MAD1L1: variants seen among roughly 807,000 people sequenced by gnomAD.
MAD1L1 encodes the protein mitotic arrest deficient 1 like 1, also known as mitotic spindle assembly checkpoint protein MAD1.
Under a neutral mutation model 96.9 loss-of-function variants are expected in MAD1L1, and 95 were observed. The observed-to-expected ratio is 0.98, with a 90% CI of 0.83 to 1.16. The LOEUF (loss-of-function observed/expected upper bound fraction) is 1.16. Ranked by LOEUF, MAD1L1 falls within the 50% of genes most tolerant of loss-of-function variation. MAD1L1 has a pLI of 0.00. For synonymous variants in MAD1L1, 473 were observed against 396.6 expected, an observed-to-expected ratio of 1.19 and a Z score of -2.29; for missense variants, 1,007 against 954.4, an observed-to-expected ratio of 1.06 and a Z score of -0.73.
chr7:1,903,757 A>G lies in MAD1L1; in HGVS notation c.1808-5367T>C, dbSNP rs1179432949. 7.1e-5 allele frequency among the ~76,000 whole-genome samples: 9 copies of G among 127,308 alleles called. 1 individual carries two copies. Among genetic ancestry groups the G allele is most frequent in the East Asian group, 2.6e-4 (1 of 3,782 alleles). The allele number at this position is 127,308 out of a possible 152,430, so 83.5% of individuals were successfully genotyped here. A position where few individuals can be genotyped will look rare whatever the true frequency, so the allele number is the denominator to read the frequency against. Reference sequence around the variant, plus strand: ...AGTGGCCTATGGAAGACGCTCTTGCAGAATTCATGATTGATGAAGCACTGT... The same window carrying G: ...AGTGGCCTATGGAAGACGCTCTTGCGGAATTCATGATTGATGAAGCACTGT... On this transcript the variant is annotated intron_variant, in intron 17 of 18. Coordinates refer to ENST00000265854, the MANE Select transcript of MAD1L1 (RefSeq NM_001013836.2).
chr7:2,136,782 G>A (rs751356433), intron 11 of MAD1L1, among the ~76,000 whole-genome samples: 3 of 152,172 alleles, frequency 2.0e-5, no homozygotes, highest in Non-Finnish European at 2.9e-5. Flanking sequence ...TACTCCAATC[G>A]CCTGATGGCA....
chr7:2,114,088 G>A lies in MAD1L1; in HGVS notation c.1073+35064C>T, dbSNP rs373903081. ...CCAGGCCTTACAGCTTCTGATAACT[G>A]TACACGGGCTCACAAGACGTTACCC... On this transcript the variant is annotated intron_variant, in intron 11 of 18. Transcript: ENST00000265854. The surrounding 1 kb of genome is among the most constrained non-coding windows in gnomAD (Gnocchi z 4.2). 6.6e-6 allele frequency among the ~76,000 whole-genome samples: 1 copy of A among 152,200 alleles called. No homozygotes were observed. The highest frequency in any genetic ancestry group is 1.5e-5 in the Non-Finnish European group (1 of 68,042).
chr7:2,231,717 T>C (rs1417703255), intron 1 of MAD1L1, among the ~76,000 whole-genome samples: 4 of 152,164 alleles, frequency 2.6e-5, no homozygotes, highest in African/African-American at 9.7e-5. Context: ...CTCATTTTCA[T>C]TGTTTATTTC....
intron 13 of MAD1L1, among the ~76,000 whole-genome samples, chr7:2,003,538 C>T (rs1298809783): frequency 7.0e-6 from 1 of 143,482 alleles, no homozygotes; most frequent in Admixed American, 6.8e-5. Context: ...CTGGACGCCA[C>T]AGCAGAGTCA....
At chr7:1,970,331 CTTTTTTTTTT>C (rs34240381) in intron 15 of MAD1L1, among the ~76,000 whole-genome samples, 3 of 116,516 alleles carry the variant, frequency 2.6e-5, no homozygotes, top group Non-Finnish European at 5.3e-5. Flanking sequence ...TTAATTTTTA[CTTTTTTTTTT>C]TTTTTTTTTT....
intron 16 of MAD1L1, among the ~76,000 whole-genome samples, chr7:1,946,959 G>C (rs1255456139): frequency 6.6e-6 from 1 of 152,234 alleles, no homozygotes; most frequent in Non-Finnish European, 1.5e-5. Flanking sequence ...GGAGGAGGCT[G>C]GGTGGGGGCT....
intron 10 of MAD1L1, among the ~76,000 whole-genome samples, chr7:2,206,480 G>A (rs1266652439): frequency 6.6e-6 from 1 of 152,214 alleles, no homozygotes; most frequent in Non-Finnish European, 1.5e-5. Context: ...TGTCCAGCAT[G>A]AGACAGGTGT....
At chr7:2,173,708 T>C (rs748971766) in intron 10 of MAD1L1, among the ~76,000 whole-genome samples, 1 of 152,220 alleles carries the variant, frequency 6.6e-6, no homozygotes, top group Non-Finnish European at 1.5e-5. Flanking sequence ...ACGGATATCC[T>C]GCTCCCTGCG....
chr7:2,061,354 T>TTAAAA (rs141754105), intron 12 of MAD1L1, among the ~76,000 whole-genome samples: 20,992 of 151,282 alleles, frequency 0.14, 1,782 homozygotes, highest in Middle Eastern at 0.29. Flanking sequence ...AATAATAAAA[T>TTAAAA]TAAAATAAAA....
rs577604977 is a variant in MAD1L1, at chr7:1,970,337, T to C, written c.1505+10116A>G. ...TATATAATTTTAATTTTTACTTTTT[T>C]TTTTTTTTTTTTTTTTGAGACAGTC... On this transcript the variant is annotated intron_variant, in intron 15 of 18. Coordinates refer to ENST00000265854, the MANE Select transcript of MAD1L1 (RefSeq NM_001013836.2). Among the ~76,000 whole-genome samples the C allele has an allele frequency of 8.5e-3, 1,243 of 145,834 alleles. 11 individuals are homozygous for C. Among genetic ancestry groups the C allele is most frequent in the Non-Finnish European group, 0.015 (974 of 65,970 alleles).
intron 18 of MAD1L1, among the ~76,000 whole-genome samples, chr7:1,896,028 G>A (rs533564697): frequency 4.1e-4 from 62 of 152,352 alleles, no homozygotes; most frequent in African/African-American, 1.5e-3. Flanking sequence ...AGGAACCACG[G>A]CTCCTCAGGG....
chr7:2,111,156 G>A (rs998214617), intron 11 of MAD1L1, among the ~76,000 whole-genome samples: 6 of 152,190 alleles, frequency 3.9e-5, no homozygotes, highest in African/African-American at 1.4e-4. Flanking sequence ...GAGAGAGGAG[G>A]AGCACACACA....
chr7:1,947,285 T>C (rs567054751), intron 16 of MAD1L1, among the ~76,000 whole-genome samples: 44 of 152,246 alleles, frequency 2.9e-4, no homozygotes, highest in Admixed American at 7.8e-4. Flanking sequence ...GCCCAGGCAA[T>C]ACTTGGGGAG....
chr7:1,819,483 T>C (rs555813789), intron 18 of MAD1L1, among the ~76,000 whole-genome samples: 1 of 152,256 alleles, frequency 6.6e-6, no homozygotes, highest in South Asian at 2.1e-4. Flanking sequence ...CACCTGCCCC[T>C]CTGGAAGCAG....
intron 17 of MAD1L1, among the ~76,000 whole-genome samples, chr7:1,900,804 C>T (rs983822649): frequency 4.6e-5 from 7 of 152,268 alleles, no homozygotes; most frequent in African/African-American, 7.2e-5. Context: ...CCCTGTTTTC[C>T]GATAGACTTC....
At chr7:1,938,418 A>G (rs1204689208) in intron 16 of MAD1L1, among the ~76,000 whole-genome samples, 4 of 152,356 alleles carry the variant, frequency 2.6e-5, no homozygotes, top group African/African-American at 9.6e-5. Context: ...TAAAAGAAAA[A>G]AAAAAGAGTA....
intron 14 of MAD1L1, among the ~76,000 whole-genome samples, chr7:1,996,928 A>G (rs1055820364): frequency 6.6e-6 from 1 of 151,596 alleles, no homozygotes; most frequent in African/African-American, 2.4e-5. Context: ...TCACTCCCCA[A>G]AGTCTATAAA....
rs116796952 is a variant in MAD1L1, at chr7:2,158,443, C to T, written c.987-9205G>A. The stretch of plus-strand genomic sequence containing the variant: ...CCTCAAGCTTTCAAAGAATAGAAAT[C>T]CACAGGGCCTAGGACCACAGTCCAA... On this transcript the variant is annotated intron_variant, in intron 10 of 18. Coordinates refer to ENST00000265854, the MANE Select transcript of MAD1L1 (RefSeq NM_001013836.2). Among the ~76,000 whole-genome samples the T allele has an allele frequency of 9.0e-3, 1,373 of 152,334 alleles. 21 individuals carry two copies. Among genetic ancestry groups the T allele is most frequent in the African/African-American group, 0.031 (1,286 of 41,578 alleles).
intron 17 of MAD1L1, among the ~76,000 whole-genome samples, chr7:1,906,697 G>A (rs538123687): frequency 6.6e-6 from 1 of 152,350 alleles, no homozygotes; most frequent in East Asian, 1.9e-4. Context: ...TGTGCGCACT[G>A]TCACACCTGC....
Sources: allele counts gnomAD v4.1 joint callset (sites outside exome capture counted in the v4.1 genomes callset), GRCh38; gene constraint gnomAD v4.1.1; non-coding constraint Gnocchi (gnomAD v3.1); transcripts MANE v1.5; gene names NCBI Gene and HGNC (gene_info 2026-07-23, HGNC 2026-07-21).